Variants in CAMK2B observed in about 807,000 individuals in gnomAD.
CAMK2B encodes calcium/calmodulin-dependent protein kinase type II subunit beta.
In CAMK2B, 27 loss-of-function variants were observed where a neutral mutation model predicts 93.7. The ratio of observed to expected loss-of-function variants is 0.29; its 90% CI spans 0.21 to 0.40. The LOEUF is 0.40. Ranked by LOEUF, CAMK2B falls within the 10% of genes least tolerant of loss-of-function variation. CAMK2B has a pLI of 1.00. For synonymous variants in CAMK2B, 374 were observed against 358.8 expected (o/e 1.04, Z -0.48); for missense variants, 568 against 895.8 (o/e 0.63, Z 4.67).
chr7:44,248,174 G>T lies in CAMK2B; in HGVS notation c.342-982C>A, dbSNP rs1425593790. 3.3e-5 allele frequency among the ~76,000 whole-genome samples: 5 copies of T among 152,236 alleles called. No homozygotes were observed. Among genetic ancestry groups the T allele is most frequent in the African/African-American group, 4.8e-5 (2 of 41,458 alleles). ...CTGGGCAGGGGGCTGTGTGTGCACA[G>T]CACTGAGCACACGGAGCTTCCCCTT... is the stretch of plus-strand genomic sequence containing the variant. On this transcript the variant is annotated intron_variant, in intron 5 of 23. Coordinates refer to ENST00000395749, the MANE Select transcript of CAMK2B (RefSeq NM_001220.5). The surrounding 1 kb of genome is among the most constrained non-coding windows in gnomAD (Gnocchi z 4.1).
chr7:44,235,344 C>T (rs1485629454), intron 13 of CAMK2B, among the ~76,000 whole-genome samples: 1 of 152,238 alleles, frequency 6.6e-6, no homozygotes, highest in Non-Finnish European at 1.5e-5. Flanking sequence ...CAGCACAGGC[C>T]TTTCTGCCCA....
intron 1 of CAMK2B, among the ~76,000 whole-genome samples, chr7:44,324,653 G>C (rs1174004809): frequency 6.6e-6 from 1 of 151,942 alleles, no homozygotes; most frequent in Non-Finnish European, 1.5e-5. Flanking sequence ...CATCCACCTC[G>C]ATGACCCTGA....
At chr7:44,244,093 C>A (rs2128974113) in intron 6 of CAMK2B, among the ~76,000 whole-genome samples, 1 of 152,302 alleles carries the variant, frequency 6.6e-6, no homozygotes, top group Admixed American at 6.5e-5. Context: ...GCCCAGGGCC[C>A]TCAGCACTAG....
At chr7:44,280,835 C>T (rs4724298) in intron 2 of CAMK2B, among the ~76,000 whole-genome samples, 24,350 of 152,196 alleles carry the variant, frequency 0.16, 2,471 homozygotes, top group Non-Finnish European at 0.21. Context: ...CGCAACTCCA[C>T]TTTCAGGCTC....
At chr7:44,226,493 C>A (rs187788625) in intron 20 of CAMK2B, 23 bp downstream of exon 20, 1 of 1,390,292 alleles carries the variant, frequency 7.2e-7, no homozygotes, top group Non-Finnish European at 9.4e-7. Context: ...GCCGCTGCCA[C>A]GGCCACTCAA....
At chr7:44,228,376 G>T (rs1240639839) in intron 19 of CAMK2B, among the ~76,000 whole-genome samples, 1 of 152,132 alleles carries the variant, frequency 6.6e-6, no homozygotes, top group African/African-American at 2.4e-5. Context: ...CAGGAACCAG[G>T]GTGGCCCTGA....
chr7:44,306,866 G>T (rs1403912717), intron 1 of CAMK2B, among the ~76,000 whole-genome samples: 1 of 145,062 alleles, frequency 6.9e-6, no homozygotes, highest in Non-Finnish European at 1.5e-5. Context: ...GGGGAAGGAA[G>T]GTGTGAGCAG....
chr7:44,265,602 A>T (rs1021290145), intron 2 of CAMK2B, among the ~76,000 whole-genome samples: 1 of 152,248 alleles, frequency 6.6e-6, no homozygotes, highest in Non-Finnish European at 1.5e-5. Flanking sequence ...TTCTCCTGGG[A>T]CACAGATAAT....
chr7:44,269,448 C>T (rs1050683985), intron 2 of CAMK2B, among the ~76,000 whole-genome samples: 4 of 152,192 alleles, frequency 2.6e-5, no homozygotes, highest in African/African-American at 4.8e-5. Context: ...AGAAGGGGTC[C>T]GGGATGGAGC....
intron 6 of CAMK2B, among the ~76,000 whole-genome samples, chr7:44,245,201 A>G (rs917176380): frequency 6.6e-6 from 1 of 152,106 alleles, no homozygotes; most frequent in African/African-American, 2.4e-5. Flanking sequence ...GCTCCAGGGT[A>G]GCTCTCAGGC....
intron 2 of CAMK2B, among the ~76,000 whole-genome samples, chr7:44,275,376 G>A (rs2097024473): frequency 6.6e-6 from 1 of 152,224 alleles, no homozygotes. Context: ...CTGACAGATG[G>A]GGCCAGCAAG....
intron 1 of CAMK2B, among the ~76,000 whole-genome samples, chr7:44,284,806 C>T (rs1337810294): frequency 1.3e-5 from 2 of 152,146 alleles, no homozygotes; most frequent in Non-Finnish European, 1.5e-5. Context: ...CATCCTTAAA[C>T]TGAAAAGCTG....
At chr7:44,298,756 A>C (rs4316060) in intron 1 of CAMK2B, among the ~76,000 whole-genome samples, 45,732 of 152,210 alleles carry the variant, frequency 0.3, 8,262 homozygotes, top group Non-Finnish European at 0.41. Flanking sequence ...ATGCAAATGG[A>C]AAACAAGAGA....
At chr7:44,232,922 GA>G in intron 15 of CAMK2B, 56 bp from the exon 16 acceptor site, 1 of 1,515,726 alleles carries the variant, frequency 6.6e-7, no homozygotes, top group South Asian at 1.1e-5. Flanking sequence ...AGAAGAGGAG[GA>G]AGCGGAGACC....
At chr7:44,307,523 T>G (rs557840817) in intron 1 of CAMK2B, among the ~76,000 whole-genome samples, 1 of 152,080 alleles carries the variant, frequency 6.6e-6, no homozygotes, top group East Asian at 1.9e-4. Context: ...ATCTGGCCCC[T>G]GGCACTGGGA....
At chr7:44,253,504 C>T (rs1046778084) in intron 5 of CAMK2B, among the ~76,000 whole-genome samples, 1 of 152,202 alleles carries the variant, frequency 6.6e-6, no homozygotes, top group South Asian at 2.1e-4. Context: ...TGAGCCACCA[C>T]GCACGGCCTA....
chr7:44,228,742 T>C, intron 19 of CAMK2B, 54 bp downstream of exon 19: 1 of 1,408,738 alleles, frequency 7.1e-7, no homozygotes, highest in Admixed American at 3.0e-5. Flanking sequence ...GCGCCGGCCA[T>C]TCGCAGGGAG....
At chr7:44,277,270 C>T (rs1049145539) in intron 2 of CAMK2B, among the ~76,000 whole-genome samples, 1 of 152,176 alleles carries the variant, frequency 6.6e-6, no homozygotes, top group Non-Finnish European at 1.5e-5. Flanking sequence ...CCTCTAACTG[C>T]TTTTGTTAAC....
chr7:44,270,661 T>C (rs182460306), intron 2 of CAMK2B, among the ~76,000 whole-genome samples: 12 of 152,326 alleles, frequency 7.9e-5, no homozygotes, highest in African/African-American at 2.6e-4. Flanking sequence ...TGAAATGGAT[T>C]CAGGAGATGC....
Sources: gnomAD v4.1 joint callset for allele counts (sites outside exome capture counted in the v4.1 genomes callset) on GRCh38, gnomAD v4.1.1 for gene constraint, Gnocchi (gnomAD v3.1) non-coding constraint, MANE v1.5 for transcripts, NCBI Gene and HGNC (gene_info 2026-07-23, HGNC 2026-07-21) for gene names.